BAHCC1: variants seen among roughly 807,000 people sequenced by gnomAD.
The protein encoded by BAHCC1 is BAH domain and coiled-coil containing 1.
In BAHCC1, 43 loss-of-function variants were observed where a neutral mutation model predicts 88.2. That is an observed-to-expected ratio of 0.49 (90% CI 0.38 to 0.63). BAHCC1 has a LOEUF of 0.63. Among genes scored for constraint, BAHCC1 ranks in the 20% least tolerant of loss-of-function variants. The pLI, the probability that BAHCC1 is intolerant of heterozygous loss-of-function variation, is 0.00. For synonymous variants in BAHCC1, 1,510 were observed against 745.5 expected (o/e 2.03, Z -16.71); for missense variants, 3,023 against 1,654.8 (o/e 1.83, Z -14.34).
At position 81,447,106 on chromosome 17, in the gene BAHCC1, T is replaced by G. The variant is rs782682221; in HGVS notation, c.3234T>G (p.Ser1078=). Residue 1078 remains serine (S), a synonymous_variant, in exon 11 of 28, where the codon TCT becomes TCG. Transcript: ENST00000675386. ...CCCTACCCTCAGACGTGCACTCTTC[T>G]AACCTCGAGGACCCTGAAACTATGC... ...GFSLPSDVHS[S]NLEDPETMQT... is the part of the protein sequence containing the mutation. 1.3e-6 allele frequency: 1 copy of G among 779,214 alleles called. No individual in the cohort carries two copies. The highest frequency in any genetic ancestry group is 2.4e-6 in the Non-Finnish European group (1 of 417,930). 48.3% of individuals were successfully genotyped at this position (779,214 alleles called of 1,614,324 possible).
chr17:81,450,162 G>C (rs1475742935), intron 11 of BAHCC1, among the ~76,000 whole-genome samples: 1 of 152,128 alleles, frequency 6.6e-6, no homozygotes, highest in Non-Finnish European at 1.5e-5. Context: ...CTTTCCCAGG[G>C]GATACCAGCA....
At chr17:81,409,038 C>G (rs147069071) in intron 2 of BAHCC1, among the ~76,000 whole-genome samples, 1 of 152,218 alleles carries the variant, frequency 6.6e-6, no homozygotes, top group Non-Finnish European at 1.5e-5. Flanking sequence ...AAAAGATGAA[C>G]GATTAACTCT....
chr17:81,410,680 C>T (rs2063938977), intron 2 of BAHCC1, among the ~76,000 whole-genome samples: 1 of 152,174 alleles, frequency 6.6e-6, no homozygotes, highest in African/African-American at 2.4e-5. Context: ...TGCTGGGGGG[C>T]CTTCGTGGCC....
In BAHCC1 at chr17:81,445,451, C is replaced by G; in HGVS notation, c.2933C>G (p.Pro978Arg). 1 of 765,354 alleles carries G rather than the reference C, an allele frequency of 1.3e-6. No individual in the cohort carries two copies. Among genetic ancestry groups the G allele is most frequent in the Non-Finnish European group, 2.4e-6 (1 of 412,190 alleles). The allele number at this position is 765,354 out of a possible 1,614,324, so 47.4% of individuals were successfully genotyped here. Residue 978 changes from proline to arginine, a missense_variant, in exon 10 of 28, where the codon CCG becomes CGG. Transcript: ENST00000675386. Reference sequence around the variant, plus strand: ...CCAGTTGCCTTAACCCCCACGGCCCCGGGCGCCCCCTCACCCGCTGCAGGC... The same window carrying G: ...CCAGTTGCCTTAACCCCCACGGCCCGGGGCGCCCCCTCACCCGCTGCAGGC... ...HKPVALTPTA[P>R]GAPSPAAGPT...
At chr17:81,417,836 C>G (rs1423400143) in intron 2 of BAHCC1, among the ~76,000 whole-genome samples, 2 of 152,250 alleles carry the variant, frequency 1.3e-5, no homozygotes, top group African/African-American at 4.8e-5. Context: ...GCTCCTGTTC[C>G]TGGGCGGGCG....
intron 2 of BAHCC1, among the ~76,000 whole-genome samples, chr17:81,419,911 CG>C (rs1400005170): frequency 5.3e-5 from 8 of 152,064 alleles, no homozygotes; most frequent in African/African-American, 1.9e-4. Context: ...CCGCCTCTCC[CG>C]GCTCCCGGGC....
chr17:81,455,557 C>A (rs1001847148), intron 15 of BAHCC1, among the ~76,000 whole-genome samples, 167 bp downstream of exon 15: 3 of 152,218 alleles, frequency 2.0e-5, no homozygotes, highest in Non-Finnish European at 1.5e-5. Flanking sequence ...GAGGGTGACC[C>A]TGCGGTGTAA....
chr17:81,409,244 G>C (rs2063917959), intron 2 of BAHCC1, among the ~76,000 whole-genome samples: 1 of 152,250 alleles, frequency 6.6e-6, no homozygotes. Flanking sequence ...GGCTCCTGAG[G>C]CTGTGTGCGC....
intron 2 of BAHCC1, among the ~76,000 whole-genome samples, chr17:81,423,224 G>A (rs536296035): frequency 3.8e-4 from 58 of 152,268 alleles, no homozygotes; most frequent in Non-Finnish European, 7.4e-4. Flanking sequence ...TGCCATGACT[G>A]GGAGAGGCCC....
rs782488710 is a variant in BAHCC1 at position 81,443,886 on chromosome 17, C to T, written c.2293C>T (p.Leu765=). Residue 765 remains leucine (L), a synonymous_variant, in exon 6 of 28, where the codon CTG becomes TTG. Transcript: ENST00000675386. ...EERTRLCDDR[L]GLASRELLLQ... ...GAGGACGAGGCTATGTGATGACCGC[C>T]TGGGGCTTGCCAGCCGCGAGCTGCT... 1 of 713,472 alleles carries T rather than the reference C, an allele frequency of 1.4e-6. No individual in the cohort carries two copies. The highest frequency in any genetic ancestry group is 2.3e-4 in the Middle Eastern group (1 of 4,364). The allele number at this position is 713,472 out of a possible 1,614,324, so 44.2% of individuals were successfully genotyped here. A position where few individuals can be genotyped will look rare whatever the true frequency, so the allele number is the denominator to read the frequency against.
chr17:81,444,442 C>T lies in BAHCC1; in HGVS notation c.2386C>T (p.Leu796=), dbSNP rs782606259. ...CCCACCGAGCAGCTGCCCTGGGGAC[C>T]TGGCCCCCCACCTCATGATGCAGAG... ...IHPPSSCPGD[L]APHLMMQSGQ... is the part of the protein sequence containing the mutation. The change falls in exon 7 of 28, where the codon CTG becomes TTG. Residue 796 remains leucine (L), a synonymous_variant. Coordinates refer to ENST00000675386, the MANE Select transcript of BAHCC1 (RefSeq NM_001377448.1). The T allele has an allele frequency of 4.0e-6, 3 of 744,234 alleles. No individual in the cohort carries two copies. In the South Asian group the frequency reaches 4.3e-5, roughly 11 times the overall value. 46.1% of individuals were successfully genotyped at this position (744,234 alleles called of 1,614,324 possible).
chr17:81,439,836 C>CT (rs1454959111), intron 4 of BAHCC1, among the ~76,000 whole-genome samples: 2 of 152,122 alleles, frequency 1.3e-5, no homozygotes, highest in East Asian at 1.9e-4. Flanking sequence ...GACCCCAACT[C>CT]TGAGTGTGAG....
chr17:81,426,333 TGGTGATAGTCGTG>T (rs2064198011), intron 2 of BAHCC1, among the ~76,000 whole-genome samples: 2 of 41,018 alleles, frequency 4.9e-5, no homozygotes, highest in Non-Finnish European at 5.2e-5. Flanking sequence ...ATGTGGTTGG[TGGTGATAGTCGTG>T]GGTGATGTGG....
intron 3 of BAHCC1, among the ~76,000 whole-genome samples, chr17:81,428,922 G>A (rs1258154095): frequency 6.6e-6 from 1 of 152,226 alleles, no homozygotes; most frequent in Non-Finnish European, 1.5e-5. Flanking sequence ...GTCGACGTGA[G>A]CCCCTGGCGT....
rs782318275 is a variant in BAHCC1, at chr17:81,447,112, C to G, written c.3240C>G (p.Leu1080=). 11 of 779,346 alleles carry G rather than the reference C, an allele frequency of 1.4e-5. No homozygotes were observed. Among genetic ancestry groups the G allele is most frequent in the Non-Finnish European group, 2.2e-5 (9 of 417,918 alleles). The allele number at this position is 779,346 out of a possible 1,614,324, so 48.3% of individuals were successfully genotyped here. A position where few individuals can be genotyped will look rare whatever the true frequency, so the allele number is the denominator to read the frequency against. The part of the protein sequence containing the change: ...SLPSDVHSSN[L]EDPETMQTTA... ...CCTCAGACGTGCACTCTTCTAACCT[C>G]GAGGACCCTGAAACTATGCAAACCA... Residue 1080 remains leucine (L), a synonymous_variant, in exon 11 of 28, where the codon CTC becomes CTG. Coordinates refer to ENST00000675386, the MANE Select transcript of BAHCC1 (RefSeq NM_001377448.1).
intron 3 of BAHCC1, among the ~76,000 whole-genome samples, 183 bp downstream of exon 3, chr17:81,427,162 G>T (rs2064210083): frequency 6.6e-6 from 1 of 152,176 alleles, no homozygotes; most frequent in African/African-American, 2.4e-5. Context: ...AGTGGTGATT[G>T]GTTGGAAACA....
intron 2 of BAHCC1, among the ~76,000 whole-genome samples, chr17:81,413,976 G>T (rs528452617): frequency 8.5e-5 from 13 of 152,326 alleles, no homozygotes; most frequent in African/African-American, 2.6e-4. Flanking sequence ...TTGAGCTGAC[G>T]CTGGCAGCCC....
In BAHCC1 at chr17:81,464,097, C is replaced by T. The variant is rs1054945995; in HGVS notation, c.*280C>T. On this transcript the variant is annotated 3_prime_UTR_variant, in exon 28 of 28. Transcript: ENST00000675386. Reference sequence around the variant, plus strand: ...CACCCACAGCGCCCTCCGTTTCCCGCACCGGCAGTTCACGGGAGATTTGAA... The same window carrying T: ...CACCCACAGCGCCCTCCGTTTCCCGTACCGGCAGTTCACGGGAGATTTGAA... 56 of 538,268 alleles carry T rather than the reference C, an allele frequency of 1.0e-4. No individual in the cohort carries two copies. Among genetic ancestry groups the T allele is most frequent in the African/African-American group, 3.8e-5 (2 of 52,726 alleles). The allele number at this position is 538,268 out of a possible 1,614,324, so 33.3% of individuals were successfully genotyped here.
chr17:81,429,841 C>T (rs2064240198), intron 3 of BAHCC1, among the ~76,000 whole-genome samples: 1 of 152,174 alleles, frequency 6.6e-6, no homozygotes, highest in African/African-American at 2.4e-5. Flanking sequence ...GCCCCAGGAA[C>T]CCCCCATGCC....
Sources: allele counts gnomAD v4.1 joint callset (sites outside exome capture counted in the v4.1 genomes callset), GRCh38; gene constraint gnomAD v4.1.1; transcripts MANE v1.5; gene names NCBI Gene and HGNC (gene_info 2026-07-23, HGNC 2026-07-21).